COL1A2: variants seen among roughly 807,000 people sequenced by gnomAD.
The protein encoded by COL1A2 is collagen alpha-2(I) chain.
Under a neutral mutation model 174.3 loss-of-function variants are expected in COL1A2, and 49 were observed. That is an observed-to-expected ratio of 0.28 (90% CI 0.22 to 0.36). The LOEUF is 0.36. COL1A2 is among the 10% of genes least tolerant of loss of function. The pLI is 1.00. For missense variants in COL1A2, 1,438 were observed against 1,822.7 expected (o/e 0.79, Z 3.84); for synonymous variants, 655 against 606.6 (o/e 1.08, Z -1.17).
Position 94,423,062 on chromosome 7 carries a change from G to A in COL1A2, c.2509G>A (p.Val837Ile), listed in dbSNP as rs1247057409. The change falls in exon 40 of 52, where the codon GTT (valine) becomes ATT (isoleucine). Residue 837 changes from valine to isoleucine, a missense_variant. Physicochemically the swap from Val to Ile is conservative, Grantham distance 29. Coordinates refer to ENST00000297268, the MANE Select transcript of COL1A2 (RefSeq NM_000089.4). ...TGGCCGAACTGGAGAAGTAGGTGCA[G>A]TTGGTCCCCCTGGCTTCGCTGGTGA... is the stretch of plus-strand genomic sequence containing the variant. ...PVGRTGEVGA[V>I]GPPGFAGEKG... is the part of the protein sequence containing the mutation. 3 of 1,614,052 alleles carry A rather than the reference G, an allele frequency of 1.9e-6. No homozygotes were observed. Among genetic ancestry groups the A allele is most frequent in the African/African-American group, 2.7e-5 (2 of 74,924 alleles).
intron 6 of COL1A2, 69 bp downstream of exon 6, chr7:94,401,689 C>G: frequency 8.5e-7 from 1 of 1,175,138 alleles, no homozygotes; most frequent in Non-Finnish European, 1.3e-6. Flanking sequence ...TCACATTTTA[C>G]CACGCCATTT....
intron 25 of COL1A2, among the ~76,000 whole-genome samples, 174 bp downstream of exon 25, chr7:94,412,856 C>T (rs987469394): frequency 6.6e-6 from 1 of 152,180 alleles, no homozygotes. Context: ...CCTTATATCC[C>T]TGCTAAAAAT....
rs772101997 is a variant in COL1A2, at chr7:94,410,311, A to G, written c.1089+16A>G. 6.2e-7 allele frequency: 1 copy of G among 1,613,880 alleles called. No homozygotes were observed. Among genetic ancestry groups the G allele is most frequent in the Admixed American group, 1.7e-5 (1 of 60,028 alleles). ...GGGTGAGCCCGTAAGTAGCTCTATC[A>G]TCACACTTTTATAAAGTTAATTGTT... On this transcript the variant is annotated intron_variant, in intron 20 of 51. Coordinates refer to ENST00000297268, the MANE Select transcript of COL1A2 (RefSeq NM_000089.4).
chr7:94,411,202 T>G (rs769292215), intron 23 of COL1A2, 48 bp downstream of exon 23: 1 of 1,365,870 alleles, frequency 7.3e-7, no homozygotes, highest in Non-Finnish European at 1.0e-6. Context: ...CATTACTTCC[T>G]TCTTTAAAGG....
chr7:94,429,299 A>G lies in COL1A2; in HGVS notation c.3823A>G (p.Ser1275Gly), dbSNP rs772628367. 6.2e-7 allele frequency: 1 copy of G among 1,614,102 alleles called. No homozygotes were observed. Among genetic ancestry groups the G allele is most frequent in the Non-Finnish European group, 8.5e-7 (1 of 1,180,000 alleles). The change falls in exon 51 of 52, where the codon AGC (serine) becomes GGC (glycine). Residue 1275 changes from serine to glycine, a missense_variant. By Grantham distance (56) the Ser-to-Gly change is moderately conservative (BLOSUM62 0). Coordinates refer to ENST00000297268, the MANE Select transcript of COL1A2 (RefSeq NM_000089.4). ...SQNITYHCKN[S>G]IAYMDEETGN... ...GAACATCACCTACCACTGCAAGAACAGCATTGCATACATGGATGAGGAGAC... is the reference window on the plus strand; with the variant it reads ...GAACATCACCTACCACTGCAAGAACGGCATTGCATACATGGATGAGGAGAC...
chr7:94,396,172 G>T (rs1791578777), intron 1 of COL1A2, among the ~76,000 whole-genome samples: 1 of 152,134 alleles, frequency 6.6e-6, no homozygotes. Context: ...TTTTCATCTT[G>T]AAAATGGCTG....
At position 94,408,770 on chromosome 7, in the gene COL1A2, G is replaced by A. The variant is rs1064794058; in HGVS notation, c.739G>A (p.Gly247Ser). The change falls in exon 16 of 52, where the codon GGT (glycine) becomes AGT (serine). Residue 247 changes from glycine to serine, a missense_variant and splice_region_variant. Physicochemically the swap from Gly to Ser is moderately conservative, Grantham distance 56 (BLOSUM62 0). Coordinates refer to ENST00000297268, the MANE Select transcript of COL1A2 (RefSeq NM_000089.4). Reference sequence around the variant, plus strand: ...TTACCACCTTCTGCTTTGATTTCAGGGTCCCATTGGGTCTGCTGGCCCTCC... The same window carrying A: ...TTACCACCTTCTGCTTTGATTTCAGAGTCCCATTGGGTCTGCTGGCCCTCC... ...DGSVGPVGPA[G>S]PIGSAGPPGF... is the part of the protein sequence containing the mutation. The A allele has an allele frequency of 1.2e-6, 2 of 1,613,868 alleles. No homozygotes were observed. Among genetic ancestry groups the A allele is most frequent in the African/African-American group, 2.7e-5 (2 of 74,836 alleles).
At chr7:94,427,365 A>G in intron 48 of COL1A2, 70 bp downstream of exon 48, 1 of 1,434,966 alleles carries the variant, frequency 7.0e-7, no homozygotes, top group Non-Finnish European at 9.6e-7. Flanking sequence ...GACTAAACCA[A>G]GACAACTTTG....
At chr7:94,416,073 A>G (rs1220010603) in intron 30 of COL1A2, among the ~76,000 whole-genome samples, 1 of 152,190 alleles carries the variant, frequency 6.6e-6, no homozygotes, top group Non-Finnish European at 1.5e-5. Context: ...TTTGAATACT[A>G]CACATAACTG....
At chr7:94,414,624 A>G (rs940701540) in intron 29 of COL1A2, among the ~76,000 whole-genome samples, 7 of 152,202 alleles carry the variant, frequency 4.6e-5, no homozygotes, top group Non-Finnish European at 8.8e-5. Context: ...CAATCAAACT[A>G]GATCCCGAAA....
chr7:94,426,130 C>T, intron 45 of COL1A2, 79 bp downstream of exon 45: 1 of 1,302,184 alleles, frequency 7.7e-7, no homozygotes. Flanking sequence ...AGAAAATAAA[C>T]AATATATCAG....
At chr7:94,410,831 A>G in intron 21 of COL1A2, 58 bp from the exon 22 acceptor site, 1 of 1,572,270 alleles carries the variant, frequency 6.4e-7, no homozygotes, top group South Asian at 1.1e-5. Context: ...TACAAACTCT[A>G]CCTTATCAAA....
chr7:94,410,349 G>A, intron 20 of COL1A2, 54 bp downstream of exon 20: 1 of 1,608,588 alleles, frequency 6.2e-7, no homozygotes, highest in Non-Finnish European at 8.5e-7. Context: ...TCTCATTCCA[G>A]TTTCTCCAGC....
intron 11 of COL1A2, 134 bp from the exon 12 acceptor site, chr7:94,406,116 G>T: frequency 1.1e-6 from 1 of 887,918 alleles, no homozygotes. Context: ...CTGGGACCTG[G>T]AACACTGGAC....
intron 40 of COL1A2, 150 bp from the exon 41 acceptor site, chr7:94,424,186 A>G: frequency 1.5e-6 from 1 of 675,286 alleles, no homozygotes. Flanking sequence ...CGTCATCACT[A>G]GAGAAAAGAT....
In COL1A2 at chr7:94,426,050, G is replaced by A; in HGVS notation, c.2996G>A (p.Ser999Asn). The A allele has an allele frequency of 1.2e-6, 2 of 1,613,530 alleles. No homozygotes were observed. Among genetic ancestry groups the A allele is most frequent in the Non-Finnish European group, 1.7e-6 (2 of 1,179,436 alleles). ...GGTGCTGTTGGCCCAAGAGGTCCTAGTGTATGTACATGCTGAAGATTTCTT... is the reference window on the plus strand; with the variant it reads ...GGTGCTGTTGGCCCAAGAGGTCCTAATGTATGTACATGCTGAAGATTTCTT... ...PAGAVGPRGP[S>N]GPQGIRGDKG... Residue 999 changes from serine to asparagine, a missense_variant and splice_region_variant, in exon 45 of 52, where the codon AGT becomes AAT. Physicochemically the swap from Ser to Asn is conservative, Grantham distance 46. Coordinates refer to ENST00000297268, the MANE Select transcript of COL1A2 (RefSeq NM_000089.4).
At chr7:94,415,340 TA>T in intron 30 of COL1A2, 70 bp downstream of exon 30, 1 of 1,321,852 alleles carries the variant, frequency 7.6e-7, no homozygotes, top group Admixed American at 1.7e-5. Context: ...GCTTTCTCCT[TA>T]AAGCCACTGA....
Position 94,413,967 on chromosome 7 carries a change from T to C in COL1A2, c.1665+20T>C. ...TTCCAGGTAAGTCAACTCAAACATA[T>C]ACAATACTGCCTTTGGTCAGCCTAT... On this transcript the variant is annotated intron_variant, in intron 28 of 51. Transcript: ENST00000297268. 6.2e-7 allele frequency: 1 copy of C among 1,601,470 alleles called. No homozygotes were observed. The highest frequency in any genetic ancestry group is 8.6e-7 in the Non-Finnish European group (1 of 1,168,592).
intron 6 of COL1A2, among the ~76,000 whole-genome samples, chr7:94,402,218 A>T (rs1049361372): frequency 1.3e-5 from 2 of 152,140 alleles, no homozygotes; most frequent in Non-Finnish European, 2.9e-5. Context: ...GTCCTTGAAT[A>T]AACCACTCAT....
Sources: gnomAD v4.1 joint callset for allele counts (sites outside exome capture counted in the v4.1 genomes callset) on GRCh38, gnomAD v4.1.1 for gene constraint, MANE v1.5 for transcripts, NCBI Gene and HGNC (gene_info 2026-07-23, HGNC 2026-07-21) for gene names.